The following UBXN8 variants were observed in gnomAD, a reference collection of about 807,000 sequenced individuals.
The protein encoded by UBXN8 is UBX domain protein 8.
A neutral mutation model predicts 32.1 loss-of-function variants in UBXN8; 27 were observed. The observed-to-expected ratio is 0.84, with a 90% CI of 0.62 to 1.16. The LOEUF is 1.16. Ranked by LOEUF, UBXN8 falls within the 50% of genes most tolerant of loss-of-function variation. The probability of loss-of-function intolerance (pLI) is 0.00; values close to 1 mark genes in which losing one functional copy is unlikely to be tolerated. For missense variants in UBXN8, 306 were observed against 311.4 expected, an observed-to-expected ratio of 0.98 and a Z score of 0.13; for synonymous variants, 109 against 111.8, an observed-to-expected ratio of 0.98 and a Z score of 0.16.
intron 2 of UBXN8, among the ~76,000 whole-genome samples, chr8:30,751,894 C>CTTT (rs1335998614): frequency 2.9e-5 from 4 of 137,284 alleles, no homozygotes; most frequent in African/African-American, 8.0e-5. Context: ...TACCATTAAA[C>CTTT]TTTTTTTTTT....
At chr8:30,741,888 A>G (rs994668072), upstream of UBXN8, among the ~76,000 whole-genome samples, 3 of 152,236 alleles carry the variant, frequency 2.0e-5, no homozygotes, top group Admixed American at 1.3e-4. Flanking sequence ...CTGGCTTCCC[A>G]TATGTTAAGA....
rs1423100697 is a variant in UBXN8 at position 30,746,771 on chromosome 8, G to A, written c.88+2494G>A. On this transcript the variant is annotated intron_variant, in intron 1 of 7. Transcript: ENST00000265616. The stretch of plus-strand genomic sequence containing the variant: ...CAACTCCTGACCTTGTGATCCACCC[G>A]CCTCGGCCTCCCAAAGTGCTGGGAT... 8.6e-5 allele frequency among the ~76,000 whole-genome samples: 12 copies of A among 138,924 alleles called. 2 individuals carry two copies. The highest frequency in any genetic ancestry group is 3.6e-4 in the Admixed American group (5 of 13,822). 91.1% of individuals were successfully genotyped at this position (138,924 alleles called of 152,430 possible).
chr8:30,759,894 T>G (rs1001101789), intron 5 of UBXN8, among the ~76,000 whole-genome samples: 22 of 151,098 alleles, frequency 1.5e-4, no homozygotes, highest in African/African-American at 5.3e-4. Context: ...GAGGCAGAGC[T>G]TGCAGTGAGC....
chr8:30,741,986 T>C, upstream of UBXN8, among the ~76,000 whole-genome samples: 1 of 152,084 alleles, frequency 6.6e-6, no homozygotes, highest in East Asian at 1.9e-4. Flanking sequence ...TTAGGTAATA[T>C]GGAAGACCAG....
chr8:30,759,816 G>C (rs1805777424), intron 5 of UBXN8, among the ~76,000 whole-genome samples: 1 of 151,110 alleles, frequency 6.6e-6, no homozygotes, highest in South Asian at 2.1e-4. Context: ...AATTAGCGGG[G>C]CATGGTGGCA....
intron 1 of UBXN8, among the ~76,000 whole-genome samples, chr8:30,738,504 CA>C (rs1224951475): frequency 6.7e-6 from 1 of 150,234 alleles, no homozygotes; most frequent in Admixed American, 6.6e-5. Flanking sequence ...ACTAAAAATA[CA>C]AAAAAAATTA....
chr8:30,751,256 A>G (rs1991111), intron 1 of UBXN8, 140 bp from the exon 2 acceptor site: 482,009 of 623,472 alleles, frequency 0.77, 189,470 homozygotes, highest in East Asian at 0.83. Context: ...GCTCATGCCT[A>G]TAATCCTAGC....
At chr8:30,749,551 T>C (rs2128753886) in intron 1 of UBXN8, among the ~76,000 whole-genome samples, 1 of 151,900 alleles carries the variant, frequency 6.6e-6, no homozygotes, top group South Asian at 2.1e-4. Context: ...AATAAGAATT[T>C]GGTGTTTCAG....
At chr8:30,764,538 C>T (rs888184259) in intron 7 of UBXN8, among the ~76,000 whole-genome samples, 1 of 152,110 alleles carries the variant, frequency 6.6e-6, no homozygotes, top group African/African-American at 2.4e-5. Flanking sequence ...ATAAACATCT[C>T]AGTAGACTGG....
chr8:30,746,478 C>T (rs1406342177), intron 1 of UBXN8, among the ~76,000 whole-genome samples: 1 of 148,392 alleles, frequency 6.7e-6, no homozygotes, highest in East Asian at 2.0e-4. Context: ...GTGTAAAAAC[C>T]TTTATTGTCA....
chr8:30,750,646 A>T (rs887443638), intron 1 of UBXN8, among the ~76,000 whole-genome samples: 11 of 151,276 alleles, frequency 7.3e-5, no homozygotes, highest in African/African-American at 2.4e-4. Context: ...GGTGGCAGGC[A>T]CCTGTAGTCC....
At chr8:30,757,675 A>G (rs1457342346) in intron 5 of UBXN8, among the ~76,000 whole-genome samples, 1 of 151,892 alleles carries the variant, frequency 6.6e-6, no homozygotes, top group Non-Finnish European at 1.5e-5. Context: ...CCTGGCTAAG[A>G]TGGTAAAACC....
At chr8:30,742,890 GT>G (rs796277186), upstream of UBXN8, among the ~76,000 whole-genome samples, 1,615 of 148,576 alleles carry the variant, frequency 0.011, 29 homozygotes, top group African/African-American at 0.036. Context: ...ATCTTTCCCA[GT>G]TTTTTTTTTT....
rs1805038840 is a variant in UBXN8 at position 30,734,789 on chromosome 8, TA to T, written c.622+1486del. On this transcript the variant is annotated intron_variant, in intron 1 of 1. Coordinates refer to the UBXN8 transcript ENST00000522968. ...TAAGACCTGGTCTCTACAAAAAAATTAAAAATTAGTCAGGTGTGGTGGTGCA... is the reference window on the plus strand; with the variant it reads ...TAAGACCTGGTCTCTACAAAAAAATTAAAATTAGTCAGGTGTGGTGGTGCA... Among the ~76,000 whole-genome samples the T allele has an allele frequency of 2.6e-5, 4 of 151,908 alleles. 1 individual carries two copies. Among genetic ancestry groups the T allele is most frequent in the Admixed American group, 2.6e-4 (4 of 15,262 alleles).
At chr8:30,738,654 C>CAA (rs536271863) in intron 1 of UBXN8, among the ~76,000 whole-genome samples, 99 of 75,296 alleles carry the variant, frequency 1.3e-3, no homozygotes, top group East Asian at 0.013. Context: ...GCCTCCGTCT[C>CAA]AAAAAAAAAA....
intron 4 of UBXN8, chr8:30,756,028 CT>C (rs1001944786): frequency 1.5e-3 from 212 of 140,396 alleles, no homozygotes; most frequent in Middle Eastern, 3.8e-3. Flanking sequence ...TTTAAATTTT[CT>C]TTTTTTTTTT....
chr8:30,738,727 G>T (rs548163276), intron 1 of UBXN8, among the ~76,000 whole-genome samples: 4 of 151,296 alleles, frequency 2.6e-5, no homozygotes, highest in African/African-American at 7.3e-5. Flanking sequence ...AGGCTCAGGT[G>T]GGTGGATCAC....
At chr8:30,729,236 C>T (rs763170642), upstream of UBXN8, among the ~76,000 whole-genome samples, 5 of 152,214 alleles carry the variant, frequency 3.3e-5, no homozygotes, top group Non-Finnish European at 2.9e-5. Context: ...GCAATTGCCC[C>T]GGTGGAACGC....
upstream of UBXN8, among the ~76,000 whole-genome samples, chr8:30,740,864 G>T (rs556219509): frequency 3.3e-5 from 5 of 152,302 alleles, no homozygotes; most frequent in African/African-American, 9.6e-5. Context: ...TTCATTCTGA[G>T]CTTTAGGAAC....
Sources: allele counts gnomAD v4.1 joint callset (sites outside exome capture counted in the v4.1 genomes callset), GRCh38; gene constraint gnomAD v4.1.1; transcripts MANE v1.5; gene names NCBI Gene and HGNC (gene_info 2026-07-23, HGNC 2026-07-21).